DRC12: variants seen among roughly 807,000 people sequenced by gnomAD.
DRC12 encodes dynein regulatory complex subunit 12 homolog.
the DRC12 span, among the ~76,000 whole-genome samples, chr11:119,194,769 T>C: frequency 9.6e-3 from 1 of 104 alleles, no homozygotes; most frequent in African/African-American, 0.062. Context: ...CAACTCTCAC[T>C]GCCCACCCTC....
At chr11:119,193,806 C>T in the DRC12 span, 1 of 1,551,706 alleles carries the variant, frequency 6.4e-7, no homozygotes, top group Non-Finnish European at 8.7e-7. Flanking sequence ...CCCCTTCCAG[C>T]TCAGCCTCCA....
chr11:119,193,979 T>C, the DRC12 span: 15 of 1,312,712 alleles, frequency 1.1e-5, no homozygotes, highest in African/African-American at 1.5e-5. Context: ...TCTAGAAATC[T>C]GGTGGTGGGG....
chr11:119,193,483 G>A, the DRC12 span: 21 of 1,176,868 alleles, frequency 1.8e-5, 1 homozygote, highest in Admixed American at 2.3e-4. Flanking sequence ...CCTTCTCCCC[G>A]CCCATGGGCT....
At chr11:119,193,555 G>A in the DRC12 span, 3 of 1,423,580 alleles carry the variant, frequency 2.1e-6, no homozygotes, top group Non-Finnish European at 2.8e-6. Flanking sequence ...ATGGCACCAG[G>A]CATCCTGGAA....
the DRC12 span, chr11:119,195,009 G>C: frequency 6.5e-7 from 1 of 1,547,306 alleles, no homozygotes; most frequent in Non-Finnish European, 8.7e-7. Flanking sequence ...GGTGGCAAGT[G>C]GCAGAGCCTC....
chr11:119,194,729 C>A, the DRC12 span, among the ~76,000 whole-genome samples: 1 of 145,562 alleles, frequency 6.9e-6, no homozygotes. Context: ...AAACAAAAAA[C>A]AAACAAACAA....
chr11:119,195,269 A>G, the DRC12 span: 2 of 706,924 alleles, frequency 2.8e-6, no homozygotes, highest in South Asian at 3.8e-5. Flanking sequence ...CCACTTCCTC[A>G]GCTCCCTGGA....
chr11:119,190,659 TG>T, the DRC12 span: 1 of 1,590,472 alleles, frequency 6.3e-7, no homozygotes, highest in Non-Finnish European at 8.6e-7. The surrounding 1 kb of genome is among the most constrained non-coding windows in gnomAD (Gnocchi z 4.2). Flanking sequence ...TTTGTGGGCA[TG>T]GGGGAGTCCT....
chr11:119,190,881 T>G, the DRC12 span: 3 of 1,595,606 alleles, frequency 1.9e-6, no homozygotes, highest in South Asian at 3.3e-5. This position sits in a 1 kb window ranked among gnomAD's most constrained non-coding sequence, Gnocchi z 4.2. Flanking sequence ...ATGGTGACAC[T>G]CTATCCTTGA....
At chr11:119,193,182 C>T in the DRC12 span, 1 of 1,614,184 alleles carries the variant, frequency 6.2e-7, no homozygotes, top group Non-Finnish European at 8.5e-7. Flanking sequence ...TGACTTCTTC[C>T]TCCAGCTGCT....
chr11:119,193,650 G>T, the DRC12 span: 1 of 1,490,522 alleles, frequency 6.7e-7, no homozygotes. Context: ...GAAAGACCAA[G>T]ACCAGGCCTG....
chr11:119,195,049 C>CT, the DRC12 span: 1 of 1,422,066 alleles, frequency 7.0e-7, no homozygotes, highest in South Asian at 1.2e-5. Context: ...ATTCCTCACT[C>CT]TGCTCACATC....
chr11:119,193,816 ACC>A, the DRC12 span: 1 of 1,551,040 alleles, frequency 6.4e-7, no homozygotes, highest in Non-Finnish European at 8.7e-7. Context: ...CTCAGCCTCC[ACC>A]CCTTGCAGCC....
the DRC12 span, chr11:119,193,658 C>T: frequency 6.0e-6 from 9 of 1,497,444 alleles, no homozygotes; most frequent in Non-Finnish European, 8.1e-6. Context: ...AAGACCAGGC[C>T]TGGCAGTCGG....
At chr11:119,190,944 A>C in the DRC12 span, 3 of 1,375,962 alleles carry the variant, frequency 2.2e-6, no homozygotes, top group South Asian at 1.4e-5. This position sits in a 1 kb window ranked among gnomAD's most constrained non-coding sequence, Gnocchi z 4.2. Flanking sequence ...CTCGTTCCAG[A>C]CTCCCCCAGC....
the DRC12 span, chr11:119,195,191 C>T: frequency 3.2e-6 from 2 of 628,804 alleles, no homozygotes; most frequent in South Asian, 1.9e-5. Context: ...GCAAAATACA[C>T]ATGACAAATA....
chr11:119,192,837 G>A, the DRC12 span, among the ~76,000 whole-genome samples: 8 of 152,116 alleles, frequency 5.3e-5, no homozygotes, highest in African/African-American at 1.2e-4. Context: ...AGTAGAGACG[G>A]GGTTTTGCCA....
chr11:119,191,959 T>A, the DRC12 span, among the ~76,000 whole-genome samples: 1 of 149,780 alleles, frequency 6.7e-6, no homozygotes, highest in African/African-American at 2.5e-5. Flanking sequence ...CCTGGCCATC[T>A]ATAGCTAAAC....
the DRC12 span, among the ~76,000 whole-genome samples, chr11:119,191,821 A>G: frequency 6.6e-6 from 1 of 152,066 alleles, no homozygotes; most frequent in East Asian, 1.9e-4. Context: ...ACAAAAAACA[A>G]AAAACAAAAA....
Sources: gnomAD v4.1 joint callset for allele counts (sites outside exome capture counted in the v4.1 genomes callset) on GRCh38, gnomAD v4.1.1 for gene constraint, Gnocchi (gnomAD v3.1) non-coding constraint, MANE v1.5 for transcripts, NCBI Gene and HGNC (gene_info 2026-07-23, HGNC 2026-07-21) for gene names.